The following THBS2 variants were observed in gnomAD, a reference collection of about 807,000 sequenced individuals.
THBS2 encodes thrombospondin-2.
A neutral mutation model predicts 135.2 loss-of-function variants in THBS2; 47 were observed. The observed-to-expected ratio is 0.35, with a 90% CI of 0.28 to 0.44. THBS2 has a LOEUF of 0.44. Among genes scored for constraint, THBS2 ranks in the 20% least tolerant of loss-of-function variants. The pLI is 1.00. For missense variants in THBS2, 1,288 were observed against 1,603.1 expected, an observed-to-expected ratio of 0.80 and a Z score of 3.36; for synonymous variants, 639 against 633.8, an observed-to-expected ratio of 1.01 and a Z score of -0.12.
rs1562351918 is a variant in THBS2 at position 169,218,695 on chromosome 6, T to TG, written c.3512-867dup. 3.4e-3 allele frequency among the ~76,000 whole-genome samples: 366 copies of TG among 108,342 alleles called. 2 individuals are homozygous for TG. Among genetic ancestry groups the TG allele is most frequent in the African/African-American group, 0.012 (306 of 26,354 alleles). 71.1% of individuals were successfully genotyped at this position (108,342 alleles called of 152,430 possible). On this transcript the variant is annotated intron_variant, in intron 21 of 21. Coordinates refer to ENST00000617924, the MANE Select transcript of THBS2 (RefSeq NM_003247.5). ...CGGATGAGTAGATGGATGGATGGGATGGATGGATGGATGAGACAGGTGGAT... is the reference window on the plus strand; with the variant it reads ...CGGATGAGTAGATGGATGGATGGGATGGGATGGATGGATGAGACAGGTGGAT...
At chr6:169,227,330 C>T (rs1779669539) in intron 15 of THBS2, among the ~76,000 whole-genome samples, 1 of 152,176 alleles carries the variant, frequency 6.6e-6, no homozygotes, top group African/African-American at 2.4e-5. Context: ...AAGGGATGAC[C>T]ATGCGGTGAC....
At chr6:169,232,270 G>A (rs1331784862) in intron 12 of THBS2, 72 bp from the exon 13 acceptor site, 9 of 1,526,648 alleles carry the variant, frequency 5.9e-6, no homozygotes, top group Non-Finnish European at 8.1e-6. Flanking sequence ...GCGGGGCGTC[G>A]GGCACCGCAG....
At chr6:169,219,417 T>C (rs1055799477) in intron 21 of THBS2, among the ~76,000 whole-genome samples, 3 of 149,760 alleles carry the variant, frequency 2.0e-5, no homozygotes, top group Admixed American at 6.6e-5. Flanking sequence ...GGATGAGATA[T>C]ATGGGTGGGT....
chr6:169,226,631 C>T (rs1779640501), intron 15 of THBS2, among the ~76,000 whole-genome samples: 1 of 152,190 alleles, frequency 6.6e-6, no homozygotes, highest in Non-Finnish European at 1.5e-5. Flanking sequence ...CTAATACCCA[C>T]TTGGAAAGTA....
rs754198653 is a variant in THBS2, at chr6:169,234,928, G to T, written c.1478-21C>A. 37 of 1,593,394 alleles carry T rather than the reference G, an allele frequency of 2.3e-5. No individual in the cohort carries two copies. The Middle Eastern group carries it at 1.1e-3, about 49-fold the overall frequency. ...ATCGACTGCGGGGAAAGCCAACCAG[G>T]GGGAGCTCAGAGCAAGACCCGGGGT... On this transcript the variant is annotated intron_variant, in intron 9 of 21. Transcript: ENST00000617924.
In THBS2 at chr6:169,239,521, C is replaced by G. The variant is rs572906682; in HGVS notation, c.1129+78G>C. ...TGAACCTCACTCTTCTCTGCCAAAA[C>G]CAACCAATGAATAAATAAACAAACA... On this transcript the variant is annotated intron_variant, in intron 7 of 21. Coordinates refer to ENST00000617924, the MANE Select transcript of THBS2 (RefSeq NM_003247.5). 9.9e-6 allele frequency: 14 copies of G among 1,409,354 alleles called. No individual in the cohort carries two copies. The African/African-American group carries it at 1.7e-4, about 17-fold the overall frequency. 87.3% of individuals were successfully genotyped at this position (1,409,354 alleles called of 1,614,324 possible). A position where few individuals can be genotyped will look rare whatever the true frequency, so the allele number is the denominator to read the frequency against.
intron 21 of THBS2, among the ~76,000 whole-genome samples, chr6:169,219,363 AATG>A (rs1779335597): frequency 9.6e-6 from 1 of 104,642 alleles, no homozygotes; most frequent in African/African-American, 3.9e-5. Flanking sequence ...TGGTTGGGTG[AATG>A]GATGAGATGG....
rs1779197112 is a variant in THBS2, at chr6:169,217,057, A to C, written c.*765T>G. 1 of 152,254 alleles carries C rather than the reference A, an allele frequency of 6.6e-6. No individual in the cohort carries two copies. The highest frequency in any genetic ancestry group is 1.5e-5 in the Non-Finnish European group (1 of 68,048). 9.4% of individuals were successfully genotyped at this position (152,254 alleles called of 1,614,324 possible). On this transcript the variant is annotated 3_prime_UTR_variant, in exon 22 of 22. Transcript: ENST00000617924. The stretch of plus-strand genomic sequence containing the variant: ...CTAAAGCACCGCACTTTGCTCTGCT[A>C]ACCTTTTACTTAAATGAGGTTTTGC...
intron 10 of THBS2, among the ~76,000 whole-genome samples, chr6:169,233,645 C>G (rs1238699732): frequency 7.1e-6 from 1 of 141,284 alleles, no homozygotes; most frequent in Non-Finnish European, 1.6e-5. Flanking sequence ...GCCCACGCAC[C>G]ACCTTCCACA....
intron 5 of THBS2, among the ~76,000 whole-genome samples, chr6:169,240,965 C>G (rs1259087143): frequency 2.6e-5 from 4 of 152,120 alleles, no homozygotes; most frequent in African/African-American, 4.8e-5. Flanking sequence ...GGCAGGGATA[C>G]AGCCAAGCTC....
intron 7 of THBS2, chr6:169,239,352 C>G (rs1036446240): frequency 1.9e-5 from 10 of 537,664 alleles, no homozygotes; most frequent in Non-Finnish European, 3.3e-5. Context: ...GGCTCAGCTT[C>G]CTCGTCTGAG....
At chr6:169,253,674 A>C (rs1780825100) in intron 1 of THBS2, 50 bp downstream of exon 1, 1 of 152,240 alleles carries the variant, frequency 6.6e-6, no homozygotes, top group African/African-American at 2.4e-5. Flanking sequence ...CTAATTTCTT[A>C]AAATTAGAGC....
intron 9 of THBS2, among the ~76,000 whole-genome samples, chr6:169,236,793 C>T (rs369848553): frequency 5.5e-4 from 82 of 149,624 alleles, no homozygotes; most frequent in African/African-American, 1.5e-3. Context: ...CACTCCCGTC[C>T]GCACTCACTC....
intron 17 of THBS2, 32 bp downstream of exon 17, chr6:169,225,113 C>T (rs1234066652): frequency 1.2e-6 from 2 of 1,606,312 alleles, no homozygotes; most frequent in African/African-American, 2.7e-5. Context: ...AAGCCATTTT[C>T]CTCCACGCCC....
At chr6:169,244,313 A>AACACACACACACACAC (rs35075375) in intron 4 of THBS2, among the ~76,000 whole-genome samples, 17 of 147,316 alleles carry the variant, frequency 1.2e-4, no homozygotes, top group African/African-American at 4.0e-4. Flanking sequence ...GTATGCTGGT[A>AACACACACACACACAC]ACACACACAC....
At chr6:169,245,795 A>G (rs1191343644) in intron 4 of THBS2, among the ~76,000 whole-genome samples, 1 of 150,680 alleles carries the variant, frequency 6.6e-6, no homozygotes, top group Non-Finnish European at 1.5e-5. Flanking sequence ...CTGGCTCAAA[A>G]AAAAAAAAAA....
In THBS2 at chr6:169,220,080, T is replaced by C. The variant is rs1039568604; in HGVS notation, c.3511+118A>G. On this transcript the variant is annotated intron_variant, in intron 21 of 21. Transcript: ENST00000617924. ...TGCAGGGGGCTCATGTGTGGTATTG[T>C]GCATTAGGTTTATTGCCCTGATGTA... 20 of 1,284,866 alleles carry C rather than the reference T, an allele frequency of 1.6e-5. No homozygotes were observed. The African/African-American group carries it at 2.7e-4, about 17-fold the overall frequency. 79.6% of individuals were successfully genotyped at this position (1,284,866 alleles called of 1,614,324 possible).
rs760489004 is a variant in THBS2, at chr6:169,232,928, A to C, written c.1741T>G (p.Phe581Val). ...TCACAGTGGGTGCCATTGCCCAAGA[A>C]GCCCACAGGGCAGGAGCCGCATGAC... ...SWSCGSCPVG[F>V]LGNGTHCEDL... The change falls in exon 11 of 22, where the codon TTC (phenylalanine) becomes GTC (valine). Residue 581 changes from phenylalanine to valine, a missense_variant. This residue lies in a region of THBS2 where 874 missense variants were observed against 1,156.1 expected (regional missense o/e 0.76). Coordinates refer to ENST00000617924, the MANE Select transcript of THBS2 (RefSeq NM_003247.5). The C allele has an allele frequency of 6.3e-7, 1 of 1,580,616 alleles. No individual in the cohort carries two copies. Among genetic ancestry groups the C allele is most frequent in the Non-Finnish European group, 8.6e-7 (1 of 1,163,760 alleles).
chr6:169,228,432 A>C, intron 14 of THBS2, 151 bp from the exon 15 acceptor site: 1 of 990,336 alleles, frequency 1.0e-6, no homozygotes, highest in Non-Finnish European at 1.5e-6. Flanking sequence ...ACGGTGGCTC[A>C]CACCTTTAAT....
Sources: allele counts gnomAD v4.1 joint callset (sites outside exome capture counted in the v4.1 genomes callset), GRCh38; gene constraint gnomAD v4.1.1; regional missense constraint gnomAD v4.1.1; transcripts MANE v1.5; gene names NCBI Gene and HGNC (gene_info 2026-07-23, HGNC 2026-07-21).